SMYD3: variants seen among roughly 807,000 people sequenced by gnomAD.
SMYD3 encodes SET and MYND domain containing 3.
SMYD3 carries 36 observed loss-of-function variants against 57.7 expected under a neutral mutation model. The observed-to-expected ratio is 0.62, with a 90% CI of 0.48 to 0.82. The LOEUF is 0.82. Ranked by LOEUF, SMYD3 falls within the 40% of genes least tolerant of loss-of-function variation. The pLI, the probability that SMYD3 is intolerant of heterozygous loss-of-function variation, is 0.00. For missense variants in SMYD3, 515 were observed against 538.8 expected, an observed-to-expected ratio of 0.96 and a Z score of 0.44; for synonymous variants, 211 against 195.0, an observed-to-expected ratio of 1.08 and a Z score of -0.68.
intron 5 of SMYD3, among the ~76,000 whole-genome samples, chr1:246,124,988 T>C (rs1005623479): frequency 8.0e-5 from 12 of 150,334 alleles, no homozygotes; most frequent in African/African-American, 2.0e-4. Context: ...AGGAGAATGG[T>C]GTGAACCCGA....
chr1:245,810,656 G>A (rs1451468469), intron 10 of SMYD3, among the ~76,000 whole-genome samples: 1 of 152,152 alleles, frequency 6.6e-6, no homozygotes, highest in Admixed American at 6.5e-5. Flanking sequence ...GGTGTGAGGA[G>A]CGTGGAAAAG....
intron 1 of SMYD3, among the ~76,000 whole-genome samples, chr1:246,497,096 A>T (rs1229281113): frequency 4.6e-5 from 7 of 152,164 alleles, no homozygotes; most frequent in Non-Finnish European, 1.0e-4. Flanking sequence ...TATGTCAAAA[A>T]CTAGGGGAAA....
chr1:245,769,749 C>T (rs1055465843), intron 10 of SMYD3, among the ~76,000 whole-genome samples: 6 of 152,130 alleles, frequency 3.9e-5, no homozygotes, highest in African/African-American at 1.4e-4. Flanking sequence ...ATTAAATGAC[C>T]TAATATCTGA....
At chr1:246,375,961 C>T (rs1381570516) in intron 1 of SMYD3, among the ~76,000 whole-genome samples, 1 of 149,024 alleles carries the variant, frequency 6.7e-6, no homozygotes, top group Non-Finnish European at 1.5e-5. Context: ...AGCTCCTGAC[C>T]TTAAGTGGTC....
intron 10 of SMYD3, among the ~76,000 whole-genome samples, chr1:245,813,163 C>T (rs1420448147): frequency 2.0e-5 from 3 of 151,772 alleles, no homozygotes; most frequent in Admixed American, 6.6e-5. Context: ...TACAGGCGCC[C>T]GCCACCACGC....
At chr1:245,892,999 C>T (rs922736480) in intron 8 of SMYD3, among the ~76,000 whole-genome samples, 5 of 152,022 alleles carry the variant, frequency 3.3e-5, no homozygotes, top group African/African-American at 1.2e-4. Flanking sequence ...GACCTGTGTA[C>T]AGGATAAAGA....
At chr1:246,384,834 A>C (rs2066449594) in intron 1 of SMYD3, among the ~76,000 whole-genome samples, 1 of 152,240 alleles carries the variant, frequency 6.6e-6, no homozygotes, top group African/African-American at 2.4e-5. Context: ...TAAGGTAGTT[A>C]ACTGATTCTC....
chr1:246,157,651 T>TC (rs1000942272), intron 5 of SMYD3, among the ~76,000 whole-genome samples: 6 of 151,606 alleles, frequency 4.0e-5, no homozygotes, highest in African/African-American at 1.5e-4. Context: ...TTTGTCTTTT[T>TC]TCCCCCCCAT....
At chr1:245,787,035 G>A (rs2047071114) in intron 10 of SMYD3, among the ~76,000 whole-genome samples, 1 of 152,166 alleles carries the variant, frequency 6.6e-6, no homozygotes, top group Non-Finnish European at 1.5e-5. Context: ...TTTGCTAGCA[G>A]GAAAAAATGC....
intron 5 of SMYD3, among the ~76,000 whole-genome samples, chr1:246,208,685 C>T (rs981366876): frequency 4.6e-5 from 7 of 152,162 alleles, no homozygotes; most frequent in African/African-American, 9.7e-5. Context: ...CATGTCCTCT[C>T]GTGGACGGTA....
chr1:245,806,021 C>A (rs1228227324), intron 10 of SMYD3, among the ~76,000 whole-genome samples: 1 of 152,156 alleles, frequency 6.6e-6, no homozygotes, highest in Non-Finnish European at 1.5e-5. Context: ...TCCTTTCAAC[C>A]CTGTGGCCAT....
At chr1:245,765,491 T>C (rs2046047365) in intron 10 of SMYD3, among the ~76,000 whole-genome samples, 1 of 152,200 alleles carries the variant, frequency 6.6e-6, no homozygotes. Context: ...GAGCATGATT[T>C]AGCGCCCAAA....
chr1:245,908,970 G>A (rs938227904), intron 8 of SMYD3, among the ~76,000 whole-genome samples: 1 of 151,676 alleles, frequency 6.6e-6, no homozygotes, highest in Non-Finnish European at 1.5e-5. Flanking sequence ...GATCCAAACA[G>A]ATCTAAACAA....
At chr1:246,196,596 T>A (rs1359015627) in intron 5 of SMYD3, among the ~76,000 whole-genome samples, 4 of 152,242 alleles carry the variant, frequency 2.6e-5, no homozygotes, top group Admixed American at 6.5e-5. Context: ...TTGTTCTTTT[T>A]AAATTTTATT....
At chr1:246,239,082 G>A (rs937330577) in intron 5 of SMYD3, among the ~76,000 whole-genome samples, 5 of 152,042 alleles carry the variant, frequency 3.3e-5, no homozygotes, top group African/African-American at 7.2e-5. Flanking sequence ...GTGTACTACA[G>A]TGAGTTTTAA....
chr1:245,833,179 C>T (rs2153407), intron 10 of SMYD3, among the ~76,000 whole-genome samples: 104,829 of 151,968 alleles, frequency 0.69, 37,667 homozygotes, highest in Non-Finnish European at 0.81. Context: ...TGTTCCTATA[C>T]ACCCTTTACC....
chr1:245,764,847 G>T (rs188519175), intron 10 of SMYD3, among the ~76,000 whole-genome samples: 13 of 152,158 alleles, frequency 8.5e-5, no homozygotes, highest in Admixed American at 6.5e-4. Flanking sequence ...AAAGAAAGAG[G>T]ACGCACACGA....
intron 5 of SMYD3, among the ~76,000 whole-genome samples, chr1:245,949,668 G>C (rs1169772150): frequency 2.0e-5 from 3 of 152,088 alleles, no homozygotes; most frequent in Admixed American, 2.0e-4. Context: ...AATTAGCCAG[G>C]CGTGGTGGCA....
chr1:246,212,079 A>G (rs2063098075), intron 5 of SMYD3, among the ~76,000 whole-genome samples: 1 of 152,122 alleles, frequency 6.6e-6, no homozygotes, highest in Non-Finnish European at 1.5e-5. Flanking sequence ...AAAACACTCA[A>G]TACTGGTAAG....
Sources: allele counts gnomAD v4.1 joint callset (sites outside exome capture counted in the v4.1 genomes callset), GRCh38; gene constraint gnomAD v4.1.1; transcripts MANE v1.5; gene names NCBI Gene and HGNC (gene_info 2026-07-23, HGNC 2026-07-21).